The following CFAP47 variants were observed in gnomAD, a reference collection of about 807,000 sequenced individuals.
CFAP47 encodes cilia and flagella associated protein 47.
Under a neutral mutation model 148.1 loss-of-function variants are expected in CFAP47, and 29 were observed. That is an observed-to-expected ratio of 0.20 (90% CI 0.15 to 0.27). CFAP47 has a LOEUF of 0.27. Ranked by LOEUF, CFAP47 falls within the 10% of genes least tolerant of loss-of-function variation. The pLI, the probability that CFAP47 is intolerant of heterozygous loss-of-function variation, is 1.00. For missense variants in CFAP47, 1,872 were observed against 1,697.5 expected, an observed-to-expected ratio of 1.10 and a Z score of -1.81; for synonymous variants, 664 against 577.3, an observed-to-expected ratio of 1.15 and a Z score of -2.15.
chrX:36,268,549 C>G (rs113743754), intron 49 of CFAP47, among the ~76,000 whole-genome samples: 2,732 of 112,119 alleles, frequency 0.024, 47 homozygotes, highest in Non-Finnish European at 0.037. Flanking sequence ...ATGAATCCAC[C>G]CATTATATTC....
At chrX:36,092,875 C>T (rs912301455) in intron 30 of CFAP47, among the ~76,000 whole-genome samples, 5 of 110,294 alleles carry the variant, frequency 4.5e-5, no homozygotes, top group Non-Finnish European at 9.5e-5. Flanking sequence ...TTTTCATATC[C>T]ATTAATTATC....
intron 10 of CFAP47, among the ~76,000 whole-genome samples, chrX:35,969,845 G>A (rs1476606389): frequency 8.9e-6 from 1 of 111,986 alleles, no homozygotes; most frequent in Non-Finnish European, 1.9e-5. Flanking sequence ...TTGAGGAATT[G>A]TTGAAGACAA....
intron 39 of CFAP47, among the ~76,000 whole-genome samples, chrX:36,171,906 G>A (rs1264734447): frequency 7.3e-5 from 8 of 108,882 alleles, no homozygotes; most frequent in Non-Finnish European, 1.5e-4. Context: ...CCATTTTCAC[G>A]ATATTGATTC....
chrX:36,284,254 G>C (rs1287472969), intron 50 of CFAP47, among the ~76,000 whole-genome samples: 1 of 111,417 alleles, frequency 9.0e-6, no homozygotes, highest in Non-Finnish European at 1.9e-5. Context: ...AAATAAACAA[G>C]TACAGGAGTC....
At chrX:36,178,770 TTG>T (rs981176286) in intron 39 of CFAP47, among the ~76,000 whole-genome samples, 5 of 111,747 alleles carry the variant, frequency 4.5e-5, no homozygotes, top group African/African-American at 1.6e-4. Context: ...GCAAAAATGT[TTG>T]TGTTTCCAGA....
At chrX:35,930,823 T>C (rs1243120108) in intron 2 of CFAP47, among the ~76,000 whole-genome samples, 4 of 111,902 alleles carry the variant, frequency 3.6e-5, no homozygotes, top group African/African-American at 1.3e-4. Flanking sequence ...TGAACATGTG[T>C]GTATTTTGTC....
chrX:36,143,030 T>G (rs746756437), intron 35 of CFAP47, among the ~76,000 whole-genome samples: 9 of 112,316 alleles, frequency 8.0e-5, no homozygotes, highest in African/African-American at 2.9e-4. Flanking sequence ...CATTTTTTTA[T>G]TTTGTTCTTA....
chrX:36,255,236 G>C (rs1940736150), intron 49 of CFAP47, among the ~76,000 whole-genome samples: 1 of 112,497 alleles, frequency 8.9e-6, no homozygotes, highest in Non-Finnish European at 1.9e-5. Flanking sequence ...AAATGATGCT[G>C]TAACAGGTTG....
chrX:36,196,918 G>A (rs1555987319), intron 42 of CFAP47, among the ~76,000 whole-genome samples: 1 of 111,354 alleles, frequency 9.0e-6, no homozygotes, highest in Non-Finnish European at 1.9e-5. Flanking sequence ...GAATATGAGA[G>A]GATTTTCTAC....
chrX:36,122,082 T>G (rs780701109), intron 33 of CFAP47, among the ~76,000 whole-genome samples: 7 of 111,328 alleles, frequency 6.3e-5, no homozygotes, highest in Admixed American at 9.6e-5. Context: ...TTTTTTGTTT[T>G]TCTTCCTTTT....
At chrX:36,290,982 A>G (rs1375895484) in intron 51 of CFAP47, among the ~76,000 whole-genome samples, 1 of 112,609 alleles carries the variant, frequency 8.9e-6, no homozygotes, top group Non-Finnish European at 1.9e-5. Context: ...AAAATAAAAT[A>G]TCTAAAACAA....
intron 40 of CFAP47, among the ~76,000 whole-genome samples, chrX:36,186,301 C>T (rs1555985607): frequency 9.0e-6 from 1 of 111,019 alleles, no homozygotes; most frequent in Admixed American, 9.6e-5. Context: ...ATTTGTAGAT[C>T]AGCTCTGCCC....
At chrX:36,361,812 G>A (rs1556019309) in intron 61 of CFAP47, among the ~76,000 whole-genome samples, 1 of 111,860 alleles carries the variant, frequency 8.9e-6, no homozygotes, top group Non-Finnish European at 1.9e-5. Flanking sequence ...TTAGCGTTGT[G>A]CAATAGCAAC....
intron 57 of CFAP47, among the ~76,000 whole-genome samples, chrX:36,344,793 T>TATA (rs782302001): frequency 4.6e-4 from 52 of 112,150 alleles, no homozygotes; most frequent in Middle Eastern, 4.7e-3. Flanking sequence ...ATGGTTTATT[T>TATA]GAGTTAGCCT....
chrX:36,371,709 T>TATGTGTGTATATACACAC (rs1360142108), intron 62 of CFAP47, among the ~76,000 whole-genome samples: 12 of 63,376 alleles, frequency 1.9e-4, no homozygotes, highest in African/African-American at 3.7e-4. Context: ...CATGTGTATA[T>TATGTGTGTATATACACAC]ATGTGTGTAT....
intron 48 of CFAP47, among the ~76,000 whole-genome samples, chrX:36,243,984 TA>T (rs1261262995): frequency 9.1e-6 from 1 of 110,337 alleles, no homozygotes; most frequent in Non-Finnish European, 1.9e-5. Context: ...GTTCAGTAAT[TA>T]AAGCAAGACT....
chrX:35,953,354 CTCTTG>C (rs746763188), intron 6 of CFAP47, among the ~76,000 whole-genome samples: 1 of 111,828 alleles, frequency 8.9e-6, no homozygotes, highest in South Asian at 3.7e-4. Flanking sequence ...ATTTAAATTA[CTCTTG>C]TCTTGACGAT....
At chrX:36,300,438 C>T (rs914906730) in intron 52 of CFAP47, among the ~76,000 whole-genome samples, 8 of 110,291 alleles carry the variant, frequency 7.3e-5, no homozygotes, top group African/African-American at 2.3e-4. Flanking sequence ...TACAGGTGAC[C>T]GCCACTACAC....
chrX:36,159,668 A>C, intron 38 of CFAP47, 92 bp downstream of exon 38: 1 of 288,719 alleles, frequency 3.5e-6, no homozygotes, highest in East Asian at 4.9e-5. Context: ...ATCTCTAGGC[A>C]GCTGTTTCTT....
Sources: allele counts gnomAD v4.1 joint callset (sites outside exome capture counted in the v4.1 genomes callset), GRCh38; gene constraint gnomAD v4.1.1; transcripts MANE v1.5; gene names NCBI Gene and HGNC (gene_info 2026-07-23, HGNC 2026-07-21).